FYN: variants seen among roughly 807,000 people sequenced by gnomAD.
FYN encodes the protein FYN proto-oncogene, Src family tyrosine kinase.
FYN carries 10 observed loss-of-function variants against 70.2 expected under a neutral mutation model. The observed-to-expected ratio is 0.14, with a 90% CI of 0.09 to 0.24. FYN has a LOEUF of 0.24. FYN is among the 10% of genes least tolerant of loss of function. The pLI is 1.00. For missense variants in FYN, 319 were observed against 673.1 expected, an observed-to-expected ratio of 0.47 and a Z score of 5.82; for synonymous variants, 236 against 248.6, an observed-to-expected ratio of 0.95 and a Z score of 0.48.
In FYN at chr6:111,808,309, A is replaced by G. The variant is rs552924648; in HGVS notation, c.-81-27674T>C. Reference sequence around the variant, plus strand: ...ATTTGCCAAGAAGTGAGCAGGGCACAAGGCCTAGTGCAGCCCCCTGGGCTA... The same window carrying G: ...ATTTGCCAAGAAGTGAGCAGGGCACGAGGCCTAGTGCAGCCCCCTGGGCTA... On this transcript the variant is annotated intron_variant, in intron 2 of 13. Transcript: ENST00000354650. Among the ~76,000 whole-genome samples the G allele has an allele frequency of 3.9e-5, 6 of 152,272 alleles. No homozygotes were observed. In the South Asian group the frequency reaches 1.2e-3, roughly 32 times the overall value.
At chr6:111,727,861 T>C (rs922368972) in intron 3 of FYN, among the ~76,000 whole-genome samples, 3 of 152,196 alleles carry the variant, frequency 2.0e-5, no homozygotes, top group Non-Finnish European at 2.9e-5. Context: ...ATCTCTGGCT[T>C]TTCTTGTTCA....
At chr6:111,813,963 T>A (rs534869404) in intron 2 of FYN, 1 of 152,150 alleles carries the variant, frequency 6.6e-6, no homozygotes, top group African/African-American at 2.4e-5. Flanking sequence ...CCGAGGGAGA[T>A]GGATCTTCCT....
intron 3 of FYN, among the ~76,000 whole-genome samples, chr6:111,777,483 C>T (rs988572620): frequency 3.9e-5 from 6 of 152,182 alleles, no homozygotes; most frequent in East Asian, 1.9e-4. Context: ...CATGTGTGCA[C>T]GAGTGTGCGT....
At chr6:111,817,678 C>G (rs958838832) in intron 2 of FYN, among the ~76,000 whole-genome samples, 1 of 152,134 alleles carries the variant, frequency 6.6e-6, no homozygotes, top group Admixed American at 6.5e-5. Flanking sequence ...CTCCATCTGT[C>G]GGCTCCTCAC....
At chr6:111,736,884 AAC>A (rs1408524539) in intron 3 of FYN, among the ~76,000 whole-genome samples, 2 of 152,226 alleles carry the variant, frequency 1.3e-5, no homozygotes, top group Admixed American at 1.3e-4. Flanking sequence ...AAATACTGCT[AAC>A]AATTAGTGGA....
At chr6:111,782,768 T>A (rs1485433701) in intron 2 of FYN, among the ~76,000 whole-genome samples, 1 of 152,200 alleles carries the variant, frequency 6.6e-6, no homozygotes, top group Non-Finnish European at 1.5e-5. Flanking sequence ...ATTTCCTAAG[T>A]ATGGGCACTT....
chr6:111,776,375 C>T (rs919121609), intron 3 of FYN, among the ~76,000 whole-genome samples: 3 of 152,112 alleles, frequency 2.0e-5, no homozygotes, highest in Non-Finnish European at 2.9e-5. Flanking sequence ...TTATCACCTC[C>T]CTCAACTCTG....
At chr6:111,858,722 G>C (rs1258465647) in intron 1 of FYN, among the ~76,000 whole-genome samples, 1 of 151,722 alleles carries the variant, frequency 6.6e-6, no homozygotes, top group African/African-American at 2.4e-5. Context: ...AGACTCCCAG[G>C]GCAACAGCAA....
chr6:111,807,569 T>A (rs1772188043), intron 2 of FYN, among the ~76,000 whole-genome samples: 1 of 152,096 alleles, frequency 6.6e-6, no homozygotes. Flanking sequence ...AAAGCAGGGA[T>A]CGAGTGCCCT....
At position 111,872,376 on chromosome 6, in the gene FYN, G is replaced by C. The variant is rs142419105; in HGVS notation, c.-123+592C>G. Among the ~76,000 whole-genome samples, 84 of 129,106 alleles carry C rather than the reference G, an allele frequency of 6.5e-4. No individual in the cohort carries two copies. The East Asian group carries it at 0.015, about 23-fold the overall frequency. The allele number at this position is 129,106 out of a possible 152,430, so 84.7% of individuals were successfully genotyped here. A position where few individuals can be genotyped will look rare whatever the true frequency, so the allele number is the denominator to read the frequency against. On this transcript the variant is annotated intron_variant, in intron 1 of 13. Coordinates refer to ENST00000354650, the MANE Select transcript of FYN (RefSeq NM_002037.5). Reference sequence around the variant, plus strand: ...GGGGGACAGAGGAAGAGGAGGGAAGGCTCCAGCACAGGGGAAAGGGGAAGG... The same window carrying C: ...GGGGGACAGAGGAAGAGGAGGGAAGCCTCCAGCACAGGGGAAAGGGGAAGG...
At chr6:111,805,112 C>T (rs1772106963) in intron 2 of FYN, among the ~76,000 whole-genome samples, 1 of 151,926 alleles carries the variant, frequency 6.6e-6, no homozygotes, top group Non-Finnish European at 1.5e-5. Flanking sequence ...AGTGTGTTTG[C>T]CAGACAACTG....
At chr6:111,672,198 T>C (rs1583287609) in intron 13 of FYN, among the ~76,000 whole-genome samples, 1 of 152,220 alleles carries the variant, frequency 6.6e-6, no homozygotes, top group Non-Finnish European at 1.5e-5. Flanking sequence ...CCTATGTGCC[T>C]TCCCACGTGC....
intron 3 of FYN, among the ~76,000 whole-genome samples, chr6:111,723,867 T>C (rs2128465149): frequency 6.6e-6 from 1 of 152,328 alleles, no homozygotes; most frequent in East Asian, 1.9e-4. Context: ...CACTGAATGA[T>C]GCCATCGTGA....
intron 3 of FYN, among the ~76,000 whole-genome samples, chr6:111,738,677 G>A (rs753564434): frequency 1.3e-5 from 2 of 152,100 alleles, no homozygotes; most frequent in Non-Finnish European, 2.9e-5. Flanking sequence ...GGTCGGCATT[G>A]GCATCATCCT....
At chr6:111,851,903 T>C (rs1309746484) in intron 1 of FYN, among the ~76,000 whole-genome samples, 19 of 152,112 alleles carry the variant, frequency 1.2e-4, no homozygotes, top group Admixed American at 2.6e-4. Flanking sequence ...TTTTTTTTTT[T>C]TTCAAGAGAA....
intron 5 of FYN, among the ~76,000 whole-genome samples, chr6:111,709,230 C>G (rs1800253445): frequency 6.6e-6 from 1 of 152,004 alleles, no homozygotes; most frequent in Non-Finnish European, 1.5e-5. Context: ...TGTGTCAAAG[C>G]TTTCAGCCAG....
In FYN at chr6:111,843,930, T is replaced by C. The variant is rs1011894416; in HGVS notation, c.-82+2659A>G. On this transcript the variant is annotated intron_variant, in intron 2 of 13. Coordinates refer to ENST00000354650, the MANE Select transcript of FYN (RefSeq NM_002037.5). ...GAAGAGCTCTCTAAAAAGTAACAAA[T>C]GCCGCTTTCTTAGAACTTACGAAAC... 4.6e-5 allele frequency among the ~76,000 whole-genome samples: 7 copies of C among 152,040 alleles called. No homozygotes were observed. The South Asian group carries it at 6.2e-4, about 14-fold the overall frequency.
chr6:111,776,200 T>TA (rs1312429425), intron 3 of FYN, among the ~76,000 whole-genome samples: 1 of 152,122 alleles, frequency 6.6e-6, no homozygotes, highest in African/African-American at 2.4e-5. Context: ...AGCAGATACC[T>TA]ACCCTGGGTC....
rs550265235 is a variant in FYN, at chr6:111,840,665, T to C, written c.-82+5924A>G. Among the ~76,000 whole-genome samples, 7 of 152,314 alleles carry C rather than the reference T, an allele frequency of 4.6e-5. No homozygotes were observed. In the East Asian group the frequency reaches 1.2e-3, roughly 25 times the overall value. ...GCTAAAAGTGGGCAGTAATAACCTT[T>C]TAAAGGAAAAGCTTAAATTTTTATG... On this transcript the variant is annotated intron_variant, in intron 2 of 13. Transcript: ENST00000354650.
Sources: gnomAD v4.1 joint callset for allele counts (sites outside exome capture counted in the v4.1 genomes callset) on GRCh38, gnomAD v4.1.1 for gene constraint, MANE v1.5 for transcripts, NCBI Gene and HGNC (gene_info 2026-07-23, HGNC 2026-07-21) for gene names.